SLIT2: variants seen among roughly 807,000 people sequenced by gnomAD.
SLIT2 encodes slit homolog 2 protein.
Under a neutral mutation model 185.7 loss-of-function variants are expected in SLIT2, and 41 were observed. The observed-to-expected ratio is 0.22, with a 90% CI of 0.17 to 0.29. The LOEUF is 0.29. Ranked by LOEUF, SLIT2 falls within the 10% of genes least tolerant of loss-of-function variation. SLIT2 has a pLI of 1.00. For missense variants in SLIT2, 1,571 were observed against 1,909.0 expected, an observed-to-expected ratio of 0.82 and a Z score of 3.30; for synonymous variants, 693 against 680.2, an observed-to-expected ratio of 1.02 and a Z score of -0.29.
chr4:20,427,520 T>C (rs1217630259), intron 4 of SLIT2, among the ~76,000 whole-genome samples: 1 of 152,186 alleles, frequency 6.6e-6, no homozygotes, highest in African/African-American at 2.4e-5. Context: ...ATCTATATGA[T>C]GTGCTTATGA....
chr4:20,469,542 G>A (rs1035722187), intron 5 of SLIT2, among the ~76,000 whole-genome samples: 7 of 151,906 alleles, frequency 4.6e-5, no homozygotes, highest in African/African-American at 1.2e-4. Flanking sequence ...TGTTGATTTA[G>A]CAAAGTTTTC....
In SLIT2 at chr4:20,447,006, TGCTATATGTGGATTGTGA is replaced by T. The variant is rs1212521486; in HGVS notation, c.396-20743_396-20726del. On this transcript the variant is annotated intron_variant, in intron 4 of 36. Coordinates refer to ENST00000504154, the MANE Select transcript of SLIT2 (RefSeq NM_004787.4). ...GTGAAAGGCACAATCTAGGAATCCG[TGCTATATGTGGATTGTGA>T]GCAGGATAGAAACGTCACAGAAGAG... Among the ~76,000 whole-genome samples the T allele has an allele frequency of 7.9e-5, 12 of 152,330 alleles. No homozygotes were observed. In the South Asian group the frequency reaches 2.5e-3, roughly 32 times the overall value.
At chr4:20,287,913 T>C (rs1323895700) in intron 4 of SLIT2, among the ~76,000 whole-genome samples, 1 of 152,196 alleles carries the variant, frequency 6.6e-6, no homozygotes, top group African/African-American at 2.4e-5. Context: ...TGTATTGATG[T>C]TTAAGTTTTA....
chr4:20,567,177 A>C (rs1725157423), intron 26 of SLIT2, 85 bp from the exon 27 acceptor site: 1 of 1,181,110 alleles, frequency 8.5e-7, no homozygotes, highest in African/African-American at 1.5e-5. Context: ...TTTTATATGA[A>C]ATTTACCATT....
intron 22 of SLIT2, among the ~76,000 whole-genome samples, chr4:20,546,843 G>A (rs1039898247): frequency 6.6e-6 from 1 of 151,714 alleles, no homozygotes; most frequent in African/African-American, 2.4e-5. Context: ...TAGCCTTATT[G>A]GTAATTGAGA....
chr4:20,490,671 A>C (rs1717703584), intron 8 of SLIT2: 1 of 642,832 alleles, frequency 1.6e-6, no homozygotes, highest in Admixed American at 2.8e-5. Context: ...ACCTAAGAAA[A>C]ATTTTTGTAT....
At position 20,367,196 on chromosome 4, in the gene SLIT2, C is replaced by T. The variant is rs562165848; in HGVS notation, c.395+98315C>T. ...ACAAAATCATATTCAAAAAATGCATCTGCCATTGCTCCTTCAGAAAATAGT... is the reference window on the plus strand; with the variant it reads ...ACAAAATCATATTCAAAAAATGCATTTGCCATTGCTCCTTCAGAAAATAGT... On this transcript the variant is annotated intron_variant, in intron 4 of 36. Coordinates refer to ENST00000504154, the MANE Select transcript of SLIT2 (RefSeq NM_004787.4). Among the ~76,000 whole-genome samples the T allele has an allele frequency of 7.9e-5, 12 of 152,260 alleles. No individual in the cohort carries two copies. The South Asian group carries it at 2.3e-3, about 29-fold the overall frequency.
intron 27 of SLIT2, 36 bp from the exon 28 acceptor site, chr4:20,567,482 T>A: frequency 6.2e-7 from 1 of 1,608,606 alleles, no homozygotes; most frequent in East Asian, 2.2e-5. Flanking sequence ...TGCCAAGAAC[T>A]ACTTCACTCG....
At chr4:20,480,837 A>G in intron 6 of SLIT2, 50 bp downstream of exon 6, 2 of 1,367,340 alleles carry the variant, frequency 1.5e-6, no homozygotes, top group Non-Finnish European at 2.1e-6. Context: ...TTGTGTCTGG[A>G]CAGGACTAAT....
At chr4:20,433,687 C>T (rs1438178634) in intron 4 of SLIT2, among the ~76,000 whole-genome samples, 1 of 152,150 alleles carries the variant, frequency 6.6e-6, no homozygotes. Context: ...CAAGTTACTC[C>T]CTGAACAAAG....
At chr4:20,444,177 T>C (rs1040688137) in intron 4 of SLIT2, among the ~76,000 whole-genome samples, 2 of 152,078 alleles carry the variant, frequency 1.3e-5, no homozygotes, top group Non-Finnish European at 2.9e-5. Flanking sequence ...GACTTAACTT[T>C]CCTAGACTCG....
intron 34 of SLIT2, 38 bp downstream of exon 34, chr4:20,610,205 T>G: frequency 6.3e-7 from 1 of 1,581,152 alleles, no homozygotes; most frequent in South Asian, 1.1e-5. Flanking sequence ...CCTGAAACCC[T>G]GTGATTCTCA....
intron 4 of SLIT2, among the ~76,000 whole-genome samples, chr4:20,342,128 A>G (rs183830273): frequency 1.3e-5 from 2 of 152,282 alleles, no homozygotes; most frequent in South Asian, 2.1e-4. Flanking sequence ...AAAGTGTACC[A>G]TTTATTATTA....
At chr4:20,436,072 A>C (rs542279113) in intron 4 of SLIT2, among the ~76,000 whole-genome samples, 25 of 152,358 alleles carry the variant, frequency 1.6e-4, no homozygotes, top group Non-Finnish European at 3.5e-4. Context: ...AACTTAGTCA[A>C]TTTTGTTACC....
intron 4 of SLIT2, among the ~76,000 whole-genome samples, chr4:20,307,160 C>CTCCCTCCCTCCCTCCTTCCT (rs1553876300): frequency 4.1e-5 from 1 of 24,288 alleles, no homozygotes; most frequent in African/African-American, 1.5e-4. Context: ...CCCTCCCTCC[C>CTCCCTCCCTCCCTCCTTCCT]TCCTTCCTTC....
chr4:20,371,957 C>CT (rs1187699517), intron 4 of SLIT2, among the ~76,000 whole-genome samples: 1 of 151,932 alleles, frequency 6.6e-6, no homozygotes, highest in African/African-American at 2.4e-5. Context: ...TGCCTAACTG[C>CT]TTTTTAGGAC....
In SLIT2 at chr4:20,542,535, A is replaced by C; in HGVS notation, c.2185A>C (p.Thr729Pro). ...TTGCTCCCCACTTTCTCGCTGTCCT[A>C]CTGAATGTACTTGCTTGGATACAGT... ...NSCSPLSRCP[T>P]ECTCLDTVVR... Residue 729 changes from threonine to proline, a missense_variant, in exon 21 of 37, where the codon ACT becomes CCT. Coordinates refer to ENST00000504154, the MANE Select transcript of SLIT2 (RefSeq NM_004787.4). 1 of 1,613,764 alleles carries C rather than the reference A, an allele frequency of 6.2e-7. No individual in the cohort carries two copies. Among genetic ancestry groups the C allele is most frequent in the South Asian group, 1.1e-5 (1 of 91,056 alleles).
intron 4 of SLIT2, among the ~76,000 whole-genome samples, chr4:20,420,476 A>C (rs1372074674): frequency 1.3e-5 from 2 of 152,164 alleles, no homozygotes; most frequent in African/African-American, 4.8e-5. Flanking sequence ...CTTTACCTGA[A>C]AATAATATAT....
At chr4:20,297,676 AT>A (rs527548100) in intron 4 of SLIT2, among the ~76,000 whole-genome samples, 150 of 135,436 alleles carry the variant, frequency 1.1e-3, no homozygotes, top group African/African-American at 3.3e-3. Context: ...CTTATTGCTA[AT>A]TTTAAAAAAA....
Sources: allele counts gnomAD v4.1 joint callset (sites outside exome capture counted in the v4.1 genomes callset), GRCh38; gene constraint gnomAD v4.1.1; transcripts MANE v1.5; gene names NCBI Gene and HGNC (gene_info 2026-07-23, HGNC 2026-07-21).